Variants in RBP4 observed in about 807,000 individuals in gnomAD.
The protein encoded by RBP4 is retinol binding protein 4.
Under a neutral mutation model 26.2 loss-of-function variants are expected in RBP4, and 9 were observed. The ratio of observed to expected loss-of-function variants is 0.34; its 90% confidence interval spans 0.21 to 0.60. RBP4 has a LOEUF of 0.60. Ranked by LOEUF, RBP4 falls within the 20% of genes least tolerant of loss-of-function variation. The pLI is 0.80. For synonymous variants in RBP4, 114 were observed against 111.0 expected (o/e 1.03, Z -0.17); for missense variants, 244 against 271.3 (o/e 0.90, Z 0.71).
rs763976042 is a variant in RBP4, at chr10:93,601,053, G to A, written c.-18-7C>T. On this transcript the variant is annotated splice_region_variant and splice_polypyrimidine_tract_variant and intron_variant, in intron 1 of 5. Coordinates refer to ENST00000371464, the MANE Select transcript of RBP4 (RefSeq NM_006744.4). ...TCTTGCCCAGGAATCCGCCCTGCGGGAGACGCGCCTCCGTCAGTGCCCGGC... is the reference window on the plus strand; with the variant it reads ...TCTTGCCCAGGAATCCGCCCTGCGGAAGACGCGCCTCCGTCAGTGCCCGGC... 1.1e-5 allele frequency: 17 copies of A among 1,604,946 alleles called. No homozygotes were observed. The highest frequency in any genetic ancestry group is 1.7e-4 in the Middle Eastern group (1 of 5,950).
intron 4 of RBP4, 21 bp downstream of exon 4, chr10:93,600,372 C>G (rs1764709881): frequency 6.2e-7 from 1 of 1,604,658 alleles, no homozygotes; most frequent in African/African-American, 1.3e-5. Flanking sequence ...CCAAGACAGT[C>G]CCACAGAGCT....
At chr10:93,593,202 A>G (rs917092208) in intron 5 of RBP4, among the ~76,000 whole-genome samples, 1 of 152,212 alleles carries the variant, frequency 6.6e-6, no homozygotes, top group African/African-American at 2.4e-5. Flanking sequence ...GTCCACTCAA[A>G]CTAAATGGAG....
chr10:93,594,088 G>A, intron 4 of RBP4, 53 bp from the exon 5 acceptor site: 2 of 1,564,336 alleles, frequency 1.3e-6, no homozygotes, highest in Non-Finnish European at 1.8e-6. Context: ...CATGGGCTCA[G>A]ATGTCGGAGA....
intron 4 of RBP4, among the ~76,000 whole-genome samples, chr10:93,598,319 C>T (rs1252043055): frequency 6.6e-6 from 1 of 152,220 alleles, no homozygotes; most frequent in Non-Finnish European, 1.5e-5. Flanking sequence ...TGTAACACAA[C>T]TCTATGAGGT....
In RBP4 at chr10:93,592,822, A is replaced by T. The variant is rs1054260666; in HGVS notation, c.569-710T>A. Among the ~76,000 whole-genome samples, 33 of 150,800 alleles carry T rather than the reference A, an allele frequency of 2.2e-4. 1 individual carries two copies. Among genetic ancestry groups the T allele is most frequent in the African/African-American group, 7.8e-4 (32 of 41,030 alleles). ...TGCTCCATTTTGTTTGATTATTATT[A>T]TTATTATTTTTTTGAGGCAGAATCT... On this transcript the variant is annotated intron_variant, in intron 5 of 5. Coordinates refer to ENST00000371464, the MANE Select transcript of RBP4 (RefSeq NM_006744.4).
intron 5 of RBP4, 108 bp from the exon 6 acceptor site, chr10:93,592,220 A>C: frequency 2.2e-6 from 2 of 928,872 alleles, no homozygotes; most frequent in South Asian, 1.3e-5. Context: ...AATGCTTCTT[A>C]ATTCAAATGC....
intron 5 of RBP4, among the ~76,000 whole-genome samples, chr10:93,592,335 T>C (rs543276795): frequency 3.9e-5 from 6 of 152,222 alleles, no homozygotes; most frequent in African/African-American, 1.4e-4. Flanking sequence ...GTAATGGGGG[T>C]GGAGAGAATA....
chr10:93,600,643 G>T (rs779810036), intron 3 of RBP4, 24 bp downstream of exon 3: 12 of 1,611,946 alleles, frequency 7.4e-6, no homozygotes, highest in Non-Finnish European at 1.0e-5. Flanking sequence ...CGCAAAGGGC[G>T]CAGCTGCCCC....
intron 4 of RBP4, among the ~76,000 whole-genome samples, chr10:93,597,759 C>T (rs1468182945): frequency 2.6e-5 from 4 of 152,182 alleles, no homozygotes; most frequent in Non-Finnish European, 4.4e-5. Flanking sequence ...TCCATAAGCG[C>T]ACCTCATTTT....
chr10:93,592,163 T>C (rs774794353), intron 5 of RBP4, 51 bp from the exon 6 acceptor site: 1 of 1,515,602 alleles, frequency 6.6e-7, no homozygotes, highest in South Asian at 1.1e-5. Flanking sequence ...ACCCAGTTTT[T>C]ATGTAGATAA....
chr10:93,600,921 A>G lies in RBP4; in HGVS notation c.108T>C (p.Ala36=). ...SFRVKENFDK[A]RFSGTWYAMA... is the part of the protein sequence containing the mutation. ...GGCCCCCTGGGCCGATACCTACGCG[A>G]GCCTTGTCGAAGTTCTCCTTGACTC... Residue 36 remains alanine (A), a synonymous_variant, in exon 2 of 6, where the codon GCT becomes GCC. Transcript: ENST00000371464. The G allele has an allele frequency of 6.2e-7, 1 of 1,612,326 alleles. No homozygotes were observed. The highest frequency in any genetic ancestry group is 8.5e-7 in the Non-Finnish European group (1 of 1,179,746).
intron 4 of RBP4, 21 bp downstream of exon 4, chr10:93,600,372 C>T: frequency 6.2e-7 from 1 of 1,604,776 alleles, no homozygotes; most frequent in Non-Finnish European, 8.5e-7. Context: ...CCAAGACAGT[C>T]CCACAGAGCT....
intron 1 of RBP4, 60 bp from the exon 2 acceptor site, chr10:93,601,106 T>TCCCCCCCCCCCCCCCCCCCCC (rs1554887569): frequency 6.7e-7 from 1 of 1,496,096 alleles, no homozygotes; most frequent in African/African-American, 1.4e-5. Flanking sequence ...GTATCCCACC[T>TCCCCCCCCCCCCCCCCCCCCC]CACCCCACCC....
intron 3 of RBP4, 34 bp downstream of exon 3, chr10:93,600,633 C>G: frequency 1.2e-6 from 2 of 1,612,094 alleles, no homozygotes; most frequent in Non-Finnish European, 1.7e-6. Context: ...AACCCTGGAG[C>G]GCAAAGGGCG....
chr10:93,598,244 C>T (rs889458566), intron 4 of RBP4, among the ~76,000 whole-genome samples: 2 of 152,224 alleles, frequency 1.3e-5, no homozygotes, highest in Admixed American at 1.3e-4. Context: ...ATATCAAACA[C>T]TTACAAAGAA....
Position 93,600,919 on chromosome 10 carries a change from C to A in RBP4, c.110G>T (p.Arg37Leu), listed in dbSNP as rs1049674420. Residue 37 changes from arginine (R) to leucine (L), a missense_variant and splice_region_variant, in exon 2 of 6, where the codon CGC becomes CTC. By Grantham distance (102) the Arg-to-Leu change is moderately radical. Transcript: ENST00000371464. ...TGGGCCCCCTGGGCCGATACCTACGCGAGCCTTGTCGAAGTTCTCCTTGAC... is the reference window on the plus strand; with the variant it reads ...TGGGCCCCCTGGGCCGATACCTACGAGAGCCTTGTCGAAGTTCTCCTTGAC... ...FRVKENFDKA[R>L]FSGTWYAMAK... is the part of the protein sequence containing the mutation. 1 of 1,612,390 alleles carries A rather than the reference C, an allele frequency of 6.2e-7. No individual in the cohort carries two copies. The highest frequency in any genetic ancestry group is 1.7e-5 in the Admixed American group (1 of 59,994).
intron 4 of RBP4, among the ~76,000 whole-genome samples, chr10:93,599,276 A>G (rs1472126939): frequency 6.6e-6 from 1 of 152,084 alleles, no homozygotes. Flanking sequence ...AATTAAAATT[A>G]AAAATTAAAT....
rs1322363573 is a variant in RBP4, at chr10:93,592,046, T to C, written c.*29A>G. ...TGAAGACTGAGAGCTAATCAGAAGT[T>C]CTCAGATGAAACTAGATTCTTGATA... On this transcript the variant is annotated 3_prime_UTR_variant, in exon 6 of 6. Transcript: ENST00000371464. 1.9e-6 allele frequency: 3 copies of C among 1,592,754 alleles called. No homozygotes were observed. The highest frequency in any genetic ancestry group is 1.1e-5 in the South Asian group (1 of 90,610).
In RBP4 at chr10:93,593,954, G is replaced by A; in HGVS notation, c.437C>T (p.Thr146Ile). 1 of 1,614,042 alleles carries A rather than the reference G, an allele frequency of 6.2e-7. No homozygotes were observed. Among genetic ancestry groups the A allele is most frequent in the Non-Finnish European group, 8.5e-7 (1 of 1,180,048 alleles). ...YSCRLLNLDGTCADSYSFVFS... is the reference protein window; with the variant it reads ...YSCRLLNLDGICADSYSFVFS... ...CACGAAGGAGTAGCTGTCAGCACAG[G>A]TGCCATCGAGGTTCAGGAGGCGGCA... Residue 146 changes from threonine to isoleucine, a missense_variant, in exon 5 of 6, where the codon ACC (threonine) becomes ATC (isoleucine). By Grantham distance (89) the Thr-to-Ile change is moderately conservative. Transcript: ENST00000371464.
Sources: allele counts gnomAD v4.1 joint callset (sites outside exome capture counted in the v4.1 genomes callset), GRCh38; gene constraint gnomAD v4.1.1; transcripts MANE v1.5; gene names NCBI Gene and HGNC (gene_info 2026-07-23, HGNC 2026-07-21).